SUPT3H: variants seen among roughly 807,000 people sequenced by gnomAD.
SUPT3H encodes transcription initiation protein SPT3 homolog.
Under a neutral mutation model 44.3 loss-of-function variants are expected in SUPT3H, and 44 were observed. That is an observed-to-expected ratio of 0.99 (90% CI 0.78 to 1.28). The LOEUF (loss-of-function observed/expected upper bound fraction) is 1.28, where lower values mean the gene tolerates loss of function less well. Among genes scored for constraint, SUPT3H ranks in the 50% most tolerant of loss-of-function variants. The probability of loss-of-function intolerance (pLI) is 0.00; values close to 1 mark genes in which losing one functional copy is unlikely to be tolerated. For missense variants in SUPT3H, 380 were observed against 387.1 expected (o/e 0.98, Z 0.15); for synonymous variants, 124 against 125.6 (o/e 0.99, Z 0.09).
chr6:44,988,630 A>T (rs1252957664), intron 6 of SUPT3H, among the ~76,000 whole-genome samples: 3 of 151,478 alleles, frequency 2.0e-5, no homozygotes, highest in East Asian at 1.9e-4. Context: ...CCTATTTTTA[A>T]AAAAAAGACT....
rs529534185 is a variant in SUPT3H at position 44,890,564 on chromosome 6, A to T, written c.912+42089T>A. Among the ~76,000 whole-genome samples the T allele has an allele frequency of 2.3e-4, 32 of 136,934 alleles. No individual in the cohort carries two copies. In the East Asian group the frequency reaches 7.6e-3, roughly 33 times the overall value. The allele number at this position is 136,934 out of a possible 152,430, so 89.8% of individuals were successfully genotyped here. On this transcript the variant is annotated intron_variant, in intron 10 of 10. Transcript: ENST00000371459. ...CATAGGTGGGAATTGAACAATGAGA[A>T]CACATGGACACAGGAAGGGGAACAT...
At chr6:44,990,275 G>A (rs767004553) in intron 6 of SUPT3H, among the ~76,000 whole-genome samples, 2 of 151,782 alleles carry the variant, frequency 1.3e-5, no homozygotes, top group African/African-American at 2.4e-5. Context: ...CACCTTTGTC[G>A]AAGATTAGTT....
chr6:44,950,476 T>C (rs1157966427), intron 9 of SUPT3H, among the ~76,000 whole-genome samples: 1 of 152,176 alleles, frequency 6.6e-6, no homozygotes. Context: ...TAGCCGAGCA[T>C]AGTGGTGTGC....
At chr6:44,946,566 T>G (rs771179762) in intron 9 of SUPT3H, among the ~76,000 whole-genome samples, 42 of 152,266 alleles carry the variant, frequency 2.8e-4, no homozygotes, top group East Asian at 1.9e-4. Flanking sequence ...AGGAGGTAAC[T>G]GCAGATGTGG....
chr6:45,117,867 G>A (rs773066447), intron 2 of SUPT3H, among the ~76,000 whole-genome samples: 30 of 151,974 alleles, frequency 2.0e-4, no homozygotes, highest in Non-Finnish European at 3.8e-4. Flanking sequence ...GTCTTATAGT[G>A]ATCAGTCACT....
At chr6:45,315,309 C>T (rs1039690839) in intron 2 of SUPT3H, among the ~76,000 whole-genome samples, 6 of 152,014 alleles carry the variant, frequency 3.9e-5, no homozygotes, top group African/African-American at 1.2e-4. Context: ...AGAGCTTTTG[C>T]ATGGCAAAAG....
chr6:44,928,854 G>A (rs1467774560), intron 10 of SUPT3H, among the ~76,000 whole-genome samples: 1 of 101,250 alleles, frequency 9.9e-6, no homozygotes, highest in Non-Finnish European at 1.8e-5. Flanking sequence ...CAGCACTCCC[G>A]CCTGGGCGAC....
intron 2 of SUPT3H, among the ~76,000 whole-genome samples, chr6:45,311,035 T>C (rs1783863794): frequency 6.6e-6 from 1 of 152,142 alleles, no homozygotes; most frequent in African/African-American, 2.4e-5. Context: ...AAAAGTGATA[T>C]AAGAAGTGAA....
intron 3 of SUPT3H, among the ~76,000 whole-genome samples, chr6:45,058,192 C>G (rs1791437232): frequency 6.6e-6 from 1 of 151,952 alleles, no homozygotes; most frequent in Non-Finnish European, 1.5e-5. Context: ...CAAGATGAAA[C>G]TAAAATAATC....
chr6:45,288,617 A>G (rs868562662), intron 2 of SUPT3H, among the ~76,000 whole-genome samples: 2,431 of 85,314 alleles, frequency 0.028, 118 homozygotes, highest in African/African-American at 0.1. Flanking sequence ...ATATATGTAT[A>G]TATATATATA....
At chr6:45,109,956 G>C (rs770974285) in intron 2 of SUPT3H, among the ~76,000 whole-genome samples, 1 of 152,076 alleles carries the variant, frequency 6.6e-6, no homozygotes, top group Non-Finnish European at 1.5e-5. Context: ...CTTGATGCCT[G>C]TGACAATACC....
intron 2 of SUPT3H, among the ~76,000 whole-genome samples, chr6:45,136,666 T>C (rs375465063): frequency 1.3e-5 from 2 of 151,602 alleles, no homozygotes; most frequent in East Asian, 3.9e-4. Flanking sequence ...AATAATTCAC[T>C]AGAGGGGCTC....
chr6:45,027,125 G>T (rs986854764), intron 3 of SUPT3H, among the ~76,000 whole-genome samples: 1 of 151,714 alleles, frequency 6.6e-6, no homozygotes, highest in Non-Finnish European at 1.5e-5. Flanking sequence ...GAGTAGCTGG[G>T]ACTATAGGCG....
chr6:45,105,010 C>A (rs1799077030), intron 3 of SUPT3H, among the ~76,000 whole-genome samples: 1 of 151,810 alleles, frequency 6.6e-6, no homozygotes, highest in African/African-American at 2.4e-5. Flanking sequence ...CCCTAATAAT[C>A]ATTAAAATAT....
intron 2 of SUPT3H, among the ~76,000 whole-genome samples, chr6:45,144,533 T>C (rs1216454525): frequency 6.6e-6 from 1 of 151,974 alleles, no homozygotes; most frequent in Non-Finnish European, 1.5e-5. Flanking sequence ...CTATGACAAA[T>C]GTACAGCCAA....
chr6:45,342,281 G>C (rs77845374), intron 2 of SUPT3H, among the ~76,000 whole-genome samples: 1 of 149,010 alleles, frequency 6.7e-6, no homozygotes, highest in Non-Finnish European at 1.5e-5. Flanking sequence ...TTTTTTTTTT[G>C]AGACAGTGTG....
chr6:45,221,288 T>C (rs1024578341), intron 2 of SUPT3H, among the ~76,000 whole-genome samples: 3 of 152,104 alleles, frequency 2.0e-5, no homozygotes, highest in Non-Finnish European at 4.4e-5. Context: ...AGTTAATGGG[T>C]GCAGCAAACC....
intron 2 of SUPT3H, chr6:45,159,170 G>C (rs768306652): frequency 6.6e-6 from 1 of 152,056 alleles, no homozygotes; most frequent in Non-Finnish European, 1.5e-5. Flanking sequence ...ATATCCTATT[G>C]AACTGACCAG....
intron 3 of SUPT3H, among the ~76,000 whole-genome samples, chr6:45,102,878 G>A (rs1008503966): frequency 7.2e-5 from 11 of 151,822 alleles, no homozygotes; most frequent in Non-Finnish European, 1.6e-4. Flanking sequence ...GTTGGAGATT[G>A]TAGTGAGCCG....
Sources: allele counts gnomAD v4.1 joint callset (sites outside exome capture counted in the v4.1 genomes callset), GRCh38; gene constraint gnomAD v4.1.1; transcripts MANE v1.5; gene names NCBI Gene and HGNC (gene_info 2026-07-23, HGNC 2026-07-21).